CMTM8: variants seen among roughly 807,000 people sequenced by gnomAD.
CMTM8 encodes the protein CKLF like MARVEL transmembrane domain containing 8, also known as CKLF-like MARVEL transmembrane domain-containing protein 8.
A neutral mutation model predicts 18.6 loss-of-function variants in CMTM8; 12 were observed. That is an observed-to-expected ratio of 0.65 (90% confidence interval 0.41 to 1.05). The LOEUF is 1.05. CMTM8 is among the 50% of genes least tolerant of loss of function. CMTM8 has a pLI of 0.00. For synonymous variants in CMTM8, 87 were observed against 90.6 expected (o/e 0.96, Z 0.23); for missense variants, 217 against 227.2 (o/e 0.95, Z 0.29).
At position 32,295,479 on chromosome 3, in the gene CMTM8, C is replaced by CAAA. The variant is rs58774314; in HGVS notation, c.147+56362_147+56364dup. ...TCAAAAAAAAAAAAAAAAAAAAAAACAAAACAAAACAGCGGAAAGAGAAAA... is the reference window on the plus strand; with the variant it reads ...TCAAAAAAAAAAAAAAAAAAAAAAACAAAAAAACAAAACAGCGGAAAGAGAAAA... On this transcript the variant is annotated intron_variant, in intron 1 of 3. Coordinates refer to ENST00000307526, the MANE Select transcript of CMTM8 (RefSeq NM_178868.5). 1.8e-3 allele frequency among the ~76,000 whole-genome samples: 151 copies of CAAA among 82,466 alleles called. 2 individuals are homozygous for CAAA. Among genetic ancestry groups the CAAA allele is most frequent in the Middle Eastern group, 0.012 (1 of 82 alleles). 54.1% of individuals were successfully genotyped at this position (82,466 alleles called of 152,430 possible).
At chr3:32,300,718 G>A (rs913241367) in intron 1 of CMTM8, among the ~76,000 whole-genome samples, 1 of 152,104 alleles carries the variant, frequency 6.6e-6, no homozygotes, top group Non-Finnish European at 1.5e-5. Context: ...CAGCACTTTG[G>A]GAGGCTGAGG....
At chr3:32,327,664 C>T (rs1022711762) in intron 1 of CMTM8, among the ~76,000 whole-genome samples, 5 of 152,204 alleles carry the variant, frequency 3.3e-5, no homozygotes, top group Non-Finnish European at 7.3e-5. Flanking sequence ...AACTGTGCTG[C>T]AGCCTCTCCT....
chr3:32,349,297 T>C (rs1036107185), intron 1 of CMTM8, among the ~76,000 whole-genome samples: 1 of 152,068 alleles, frequency 6.6e-6, no homozygotes, highest in African/African-American at 2.4e-5. Context: ...CTGGCTGGGC[T>C]GTGTGTTGGG....
chr3:32,264,062 A>G (rs1375978754), intron 1 of CMTM8, among the ~76,000 whole-genome samples: 1 of 152,236 alleles, frequency 6.6e-6, no homozygotes, highest in Non-Finnish European at 1.5e-5. Flanking sequence ...CCAATCTAGC[A>G]AGGCAGGCCA....
At chr3:32,339,911 C>G (rs1241515877) in intron 1 of CMTM8, among the ~76,000 whole-genome samples, 1 of 152,088 alleles carries the variant, frequency 6.6e-6, no homozygotes, top group Non-Finnish European at 1.5e-5. Context: ...TGCAGTCAGC[C>G]AAGATCGCAC....
intron 1 of CMTM8, among the ~76,000 whole-genome samples, chr3:32,245,905 T>C (rs1227541940): frequency 6.6e-6 from 1 of 152,156 alleles, no homozygotes; most frequent in Non-Finnish European, 1.5e-5. Flanking sequence ...AACCTCTGAC[T>C]CTCAGGTTCA....
intron 1 of CMTM8, among the ~76,000 whole-genome samples, chr3:32,253,446 G>A (rs1702139574): frequency 6.7e-6 from 1 of 150,322 alleles, no homozygotes; most frequent in African/African-American, 2.5e-5. Context: ...TAAGGTTCAA[G>A]TGATTCTCCT....
At chr3:32,247,543 C>G (rs1702054722) in intron 1 of CMTM8, among the ~76,000 whole-genome samples, 1 of 152,034 alleles carries the variant, frequency 6.6e-6, no homozygotes, top group South Asian at 2.1e-4. Context: ...CTAGGCTGGT[C>G]TCAAACTCCT....
intron 1 of CMTM8, among the ~76,000 whole-genome samples, chr3:32,274,398 A>C (rs527597227): frequency 6.6e-5 from 10 of 152,276 alleles, no homozygotes; most frequent in African/African-American, 2.4e-4. Flanking sequence ...AATTCCTTTA[A>C]TTTTTTATTT....
chr3:32,273,840 A>G (rs1242547655), intron 1 of CMTM8, among the ~76,000 whole-genome samples: 3 of 152,152 alleles, frequency 2.0e-5, no homozygotes, highest in Non-Finnish European at 4.4e-5. Flanking sequence ...TTTATGATGT[A>G]TGCATTATAT....
chr3:32,291,003 C>G, intron 1 of CMTM8, among the ~76,000 whole-genome samples: 1 of 152,226 alleles, frequency 6.6e-6, no homozygotes, highest in East Asian at 1.9e-4. Flanking sequence ...CCACCTCAGC[C>G]TCCCACAGTG....
rs1559393166 is a variant in CMTM8, at chr3:32,370,016, T to TA, written c.*54dup. On this transcript the variant is annotated 3_prime_UTR_variant, in exon 4 of 4. Transcript: ENST00000307526. ...GAAAAAAAAAGGAAGACTCTCACTG[T>TA]AAAAACAGCTGTAGGTATAATGTAT... 1 of 1,052,272 alleles carries TA rather than the reference T, an allele frequency of 9.5e-7. No homozygotes were observed. The highest frequency in any genetic ancestry group is 1.4e-6 in the Non-Finnish European group (1 of 697,092). 65.2% of individuals were successfully genotyped at this position (1,052,272 alleles called of 1,614,324 possible).
At chr3:32,271,140 G>T (rs1445118821) in intron 1 of CMTM8, among the ~76,000 whole-genome samples, 1 of 151,986 alleles carries the variant, frequency 6.6e-6, no homozygotes, top group Non-Finnish European at 1.5e-5. Flanking sequence ...TTATTTGTTT[G>T]TTTGAGACAG....
At chr3:32,322,835 G>A (rs1696083173) in intron 1 of CMTM8, among the ~76,000 whole-genome samples, 1 of 152,210 alleles carries the variant, frequency 6.6e-6, no homozygotes, top group Non-Finnish European at 1.5e-5. Flanking sequence ...ATGTGGCTGG[G>A]ATACAGAGTA....
chr3:32,367,795 G>C (rs1015434347), intron 2 of CMTM8, 77 bp from the exon 3 acceptor site: 22 of 956,952 alleles, frequency 2.3e-5, no homozygotes, highest in Non-Finnish European at 3.7e-5. Context: ...CAGAGGTACA[G>C]CCCTCATCAC....
intron 2 of CMTM8, among the ~76,000 whole-genome samples, chr3:32,361,286 G>GTTTTTTTTTTGTTTTTTTGTTTT (rs58364646): frequency 2.1e-3 from 182 of 87,228 alleles, no homozygotes; most frequent in African/African-American, 3.7e-3. Flanking sequence ...CAGCCTAAGA[G>GTTTTTTTTTTGTTTTTTTGTTTT]TTTTTTTTTC....
At chr3:32,319,074 A>ATTTTTTTTTTTTTTTTT (rs1177949113) in intron 1 of CMTM8, among the ~76,000 whole-genome samples, 2 of 31,530 alleles carry the variant, frequency 6.3e-5, no homozygotes, top group African/African-American at 1.5e-4. Context: ...ATATATATAT[A>ATTTTTTTTTTTTTTTTT]TTTTTTTTTT....
chr3:32,307,454 T>C (rs1233282527), intron 1 of CMTM8, among the ~76,000 whole-genome samples: 1 of 152,082 alleles, frequency 6.6e-6, no homozygotes, highest in African/African-American at 2.4e-5. Flanking sequence ...GGAGATGGTG[T>C]TGGCATGAGT....
chr3:32,260,389 T>A (rs1296206335), intron 1 of CMTM8, among the ~76,000 whole-genome samples: 1 of 152,236 alleles, frequency 6.6e-6, no homozygotes, highest in Non-Finnish European at 1.5e-5. Context: ...ATATTTAACT[T>A]TAATATTGAA....
Sources: allele counts gnomAD v4.1 joint callset (sites outside exome capture counted in the v4.1 genomes callset), GRCh38; gene constraint gnomAD v4.1.1; transcripts MANE v1.5; gene names NCBI Gene and HGNC (gene_info 2026-07-23, HGNC 2026-07-21).